CXADR: variants seen among roughly 807,000 people sequenced by gnomAD.
CXADR encodes CXADR cell adhesion molecule, also known as coxsackievirus and adenovirus receptor.
CXADR carries 20 observed loss-of-function variants against 40.3 expected under a neutral mutation model. The ratio of observed to expected loss-of-function variants is 0.50; its 90% confidence interval spans 0.35 to 0.72. CXADR has a LOEUF of 0.72. Among genes scored for constraint, CXADR ranks in the 30% least tolerant of loss-of-function variants. The pLI, the probability that CXADR is intolerant of heterozygous loss-of-function variation, is 0.01. For missense variants in CXADR, 332 were observed against 449.1 expected (o/e 0.74, Z 2.36); for synonymous variants, 150 against 161.3 (o/e 0.93, Z 0.53).
intron 2 of CXADR, among the ~76,000 whole-genome samples, chr21:17,549,606 G>A (rs1184755180): frequency 1.3e-5 from 2 of 152,180 alleles, no homozygotes; most frequent in African/African-American, 4.8e-5. Flanking sequence ...AGGGGAATCT[G>A]AAGACATGTA....
chr21:17,554,086 TTGTGAAACCCC>T (rs927854236), intron 3 of CXADR, among the ~76,000 whole-genome samples: 2 of 152,260 alleles, frequency 1.3e-5, no homozygotes, highest in Admixed American at 6.5e-5. Flanking sequence ...GAATTATTTA[TTGTGAAACCCC>T]TGTTTGATGG....
chr21:17,520,148 G>GT (rs1203255364), intron 1 of CXADR, among the ~76,000 whole-genome samples: 1 of 152,098 alleles, frequency 6.6e-6, no homozygotes, highest in Admixed American at 6.6e-5. Context: ...ACACTCACCT[G>GT]TTAATTAAGT....
At chr21:17,580,981 G>A (rs564835535) in intron 7 of CXADR, among the ~76,000 whole-genome samples, 2 of 152,124 alleles carry the variant, frequency 1.3e-5, no homozygotes, top group South Asian at 4.1e-4. Flanking sequence ...AAACTCTTGG[G>A]CTCAAGTGAT....
At chr21:17,624,242 G>GT in the CXADR span, among the ~76,000 whole-genome samples, 1 of 152,136 alleles carries the variant, frequency 6.6e-6, no homozygotes, top group Non-Finnish European at 1.5e-5. Context: ...CACAGTATTA[G>GT]TTTTCTATTA....
At chr21:17,625,813 C>A in the CXADR span, among the ~76,000 whole-genome samples, 2 of 152,220 alleles carry the variant, frequency 1.3e-5, no homozygotes, top group African/African-American at 4.8e-5. Context: ...TCAATCCCCT[C>A]AGAGTTACTA....
the CXADR span, among the ~76,000 whole-genome samples, chr21:17,617,292 G>C: frequency 0.045 from 6,441 of 142,960 alleles, 412 homozygotes; most frequent in African/African-American, 0.14. Flanking sequence ...GGCAGGAGAG[G>C]TGCCATTATT....
At chr21:17,627,595 G>A in the CXADR span, among the ~76,000 whole-genome samples, 70 of 152,256 alleles carry the variant, frequency 4.6e-4, no homozygotes, top group Admixed American at 1.7e-3. Context: ...CAAGACCATC[G>A]GGAAATATGG....
Position 17,566,882 on chromosome 21 carries a change from G to A in CXADR, c.*1190G>A, listed in dbSNP as rs2061215879. 1.0e-6 allele frequency: 1 copy of A among 983,992 alleles called. No homozygotes were observed. Among genetic ancestry groups the A allele is most frequent in the Non-Finnish European group, 1.2e-6 (1 of 829,352 alleles). The allele number at this position is 983,992 out of a possible 1,614,324, so 61.0% of individuals were successfully genotyped here. On this transcript the variant is annotated 3_prime_UTR_variant, in exon 7 of 7. Coordinates refer to ENST00000284878, the MANE Select transcript of CXADR (RefSeq NM_001338.5). ...GTGTGATCAAACATGTCTCTGTGTA[G>A]TTCCAGCAAATCAAGCTGAGCTTTG...
intron 1 of CXADR, among the ~76,000 whole-genome samples, chr21:17,514,781 C>A (rs1264829130): frequency 1.3e-5 from 2 of 151,720 alleles, no homozygotes; most frequent in Non-Finnish European, 2.9e-5. Flanking sequence ...TTACAGGCAC[C>A]CCCCACCATG....
intron 3 of CXADR, 113 bp from the exon 4 acceptor site, chr21:17,558,863 G>A (rs1240932777): frequency 2.8e-6 from 3 of 1,080,398 alleles, no homozygotes; most frequent in African/African-American, 3.2e-5. Context: ...ATTCTTTTGT[G>A]AATTCTGAAC....
At chr21:17,587,137 A>G (rs1014051867) in intron 7 of CXADR, among the ~76,000 whole-genome samples, 1 of 152,112 alleles carries the variant, frequency 6.6e-6, no homozygotes, top group African/African-American at 2.4e-5. Context: ...CCAGTCTATC[A>G]TTGTTGGACA....
chr21:17,564,962 T>G (rs2123327827), intron 6 of CXADR, among the ~76,000 whole-genome samples: 1 of 152,340 alleles, frequency 6.6e-6, no homozygotes, highest in South Asian at 2.1e-4. Context: ...CTTGAACTCC[T>G]GATCTCAAGT....
At chr21:17,530,859 G>GT (rs1745833561) in intron 1 of CXADR, among the ~76,000 whole-genome samples, 1 of 152,142 alleles carries the variant, frequency 6.6e-6, no homozygotes, top group Non-Finnish European at 1.5e-5. Flanking sequence ...TCCTACATGT[G>GT]TTTTCATGCA....
At chr21:17,547,499 G>A (rs2060913288) in intron 2 of CXADR, among the ~76,000 whole-genome samples, 1 of 152,216 alleles carries the variant, frequency 6.6e-6, no homozygotes, top group East Asian at 1.9e-4. Context: ...GATTTGAGGC[G>A]GGGAATAGCA....
At chr21:17,533,829 G>A (rs2060708805) in intron 1 of CXADR, among the ~76,000 whole-genome samples, 2 of 151,564 alleles carry the variant, frequency 1.3e-5, no homozygotes, top group South Asian at 2.1e-4. Context: ...AAGAGCAAGT[G>A]TGTATACTTA....
chr21:17,555,793 T>G (rs1176344094), intron 3 of CXADR, among the ~76,000 whole-genome samples: 1 of 152,252 alleles, frequency 6.6e-6, no homozygotes, highest in Admixed American at 6.5e-5. Flanking sequence ...ACTATGCAGA[T>G]ATGTTATTTC....
chr21:17,536,152 G>A (rs1352160658), intron 1 of CXADR, among the ~76,000 whole-genome samples: 1 of 152,152 alleles, frequency 6.6e-6, no homozygotes, highest in East Asian at 1.9e-4. Context: ...ATAGCTGAAA[G>A]ATAACAGCTC....
chr21:17,513,860 A>G (rs1247550167), intron 1 of CXADR, among the ~76,000 whole-genome samples: 1 of 152,234 alleles, frequency 6.6e-6, no homozygotes, highest in Non-Finnish European at 1.5e-5. Context: ...GGCGAAGTGC[A>G]AAGGAGAATT....
intron 2 of CXADR, among the ~76,000 whole-genome samples, chr21:17,549,338 G>GT (rs1866789094): frequency 6.6e-6 from 1 of 152,154 alleles, no homozygotes; most frequent in Non-Finnish European, 1.5e-5. Flanking sequence ...TCATAAACCT[G>GT]TTTCCTCATG....
Sources: allele counts gnomAD v4.1 joint callset (sites outside exome capture counted in the v4.1 genomes callset), GRCh38; gene constraint gnomAD v4.1.1; transcripts MANE v1.5; gene names NCBI Gene and HGNC (gene_info 2026-07-23, HGNC 2026-07-21).